The following SND1 variants were observed in gnomAD, a reference collection of about 807,000 sequenced individuals.
SND1 encodes the protein staphylococcal nuclease and tudor domain containing 1.
In SND1, 38 loss-of-function variants were observed where a neutral mutation model predicts 121.7. That is an observed-to-expected ratio of 0.31 (90% CI 0.24 to 0.41). The LOEUF (loss-of-function observed/expected upper bound fraction) is 0.41. SND1 is among the 10% of genes least tolerant of loss of function. The probability of loss-of-function intolerance (pLI) is 1.00; values close to 1 mark genes in which losing one functional copy is unlikely to be tolerated. For missense variants in SND1, 868 were observed against 1,184.6 expected (o/e 0.73, Z 3.92); for synonymous variants, 401 against 447.4 (o/e 0.90, Z 1.31).
chr7:127,666,494 G>T (rs1447324836), intron 1 of SND1, among the ~76,000 whole-genome samples: 4 of 152,038 alleles, frequency 2.6e-5, no homozygotes, highest in Admixed American at 2.0e-4. Flanking sequence ...AGTAAAGGTG[G>T]CCCCTGAGTC....
chr7:127,723,429 A>C (rs1374225754), intron 10 of SND1, among the ~76,000 whole-genome samples: 1 of 151,010 alleles, frequency 6.6e-6, no homozygotes, highest in Non-Finnish European at 1.5e-5. Context: ...CTGAGATCTT[A>C]CTCCATTTTA....
intron 12 of SND1, among the ~76,000 whole-genome samples, chr7:127,873,568 C>T (rs769345477): frequency 2.3e-4 from 35 of 152,238 alleles, no homozygotes; most frequent in Non-Finnish European, 4.4e-4. Flanking sequence ...GCCTGGGCTC[C>T]GGTGTTTCCT....
intron 11 of SND1, among the ~76,000 whole-genome samples, chr7:127,824,144 A>G (rs1457673923): frequency 6.6e-6 from 1 of 152,208 alleles, no homozygotes; most frequent in Non-Finnish European, 1.5e-5. Flanking sequence ...TCCTTTTCCC[A>G]TGGTGGTATC....
chr7:127,929,080 T>C (rs1800908146), intron 14 of SND1, 108 bp from the exon 15 acceptor site: 1 of 1,047,288 alleles, frequency 9.5e-7, no homozygotes, highest in Non-Finnish European at 1.4e-6. Context: ...TGTCTATAAA[T>C]AGGGTTATTT....
At chr7:128,017,208 G>A (rs758351418) in intron 16 of SND1, among the ~76,000 whole-genome samples, 5 of 152,144 alleles carry the variant, frequency 3.3e-5, no homozygotes, top group South Asian at 2.1e-4. Flanking sequence ...CACACAGCAC[G>A]CCAGAGCCTT....
At chr7:127,857,202 TTTTTTTTTG>T in intron 12 of SND1, among the ~76,000 whole-genome samples, 1 of 129,236 alleles carries the variant, frequency 7.7e-6, no homozygotes, top group African/African-American at 3.0e-5. Context: ...TTTTTTTTTT[TTTTTTTTTG>T]AGATGGAGTC....
At chr7:127,953,151 C>CGTGTGTGTGTGT (rs59825900) in intron 15 of SND1, among the ~76,000 whole-genome samples, 5 of 92,272 alleles carry the variant, frequency 5.4e-5, no homozygotes, top group African/African-American at 8.0e-5. Flanking sequence ...GTGACAAGAC[C>CGTGTGTGTGTGT]GTGTGTGTGT....
At chr7:128,002,654 G>A (rs937717348) in intron 16 of SND1, among the ~76,000 whole-genome samples, 6 of 152,220 alleles carry the variant, frequency 3.9e-5, no homozygotes, top group African/African-American at 9.7e-5. Flanking sequence ...TCTGCCAACA[G>A]TGAGGGCTCT....
intron 1 of SND1, among the ~76,000 whole-genome samples, chr7:127,658,711 A>G (rs3808111): frequency 0.062 from 9,516 of 152,320 alleles, 400 homozygotes; most frequent in Middle Eastern, 0.19. Context: ...GCTCATTAAC[A>G]TGAGTGGGAA....
At chr7:127,981,961 G>C (rs1802272096) in intron 15 of SND1, among the ~76,000 whole-genome samples, 1 of 152,172 alleles carries the variant, frequency 6.6e-6, no homozygotes, top group African/African-American at 2.4e-5. Context: ...ATCTGTTATT[G>C]CTAGATTTTC....
chr7:127,925,173 A>T (rs1178136506), intron 14 of SND1, among the ~76,000 whole-genome samples: 2 of 152,240 alleles, frequency 1.3e-5, no homozygotes, highest in African/African-American at 4.8e-5. Context: ...TGCAATCTTA[A>T]ATTAGCTTTT....
At chr7:127,661,452 T>A (rs1193042731) in intron 1 of SND1, among the ~76,000 whole-genome samples, 1 of 152,222 alleles carries the variant, frequency 6.6e-6, no homozygotes, top group Non-Finnish European at 1.5e-5. Context: ...CTTTCTGTTC[T>A]TGCAATCCTG....
At chr7:127,815,379 A>G (rs1252695922) in intron 11 of SND1, among the ~76,000 whole-genome samples, 2 of 152,094 alleles carry the variant, frequency 1.3e-5, no homozygotes, top group South Asian at 2.1e-4. Flanking sequence ...AGTCCCAGCT[A>G]TTTGGGTGGC....
chr7:128,000,077 T>TAAAAA (rs746493427), intron 16 of SND1: 3 of 103,182 alleles, frequency 2.9e-5, no homozygotes, highest in Non-Finnish European at 5.7e-5. Flanking sequence ...GAGTGTTCTC[T>TAAAAA]AAAAAAAAAA....
chr7:127,925,790 TC>T (rs1246370107), intron 14 of SND1, among the ~76,000 whole-genome samples: 7 of 152,038 alleles, frequency 4.6e-5, no homozygotes, highest in Non-Finnish European at 7.4e-5. Flanking sequence ...TTTTAGGGTT[TC>T]ACCATGTTGG....
In SND1 at chr7:127,725,760, C is replaced by T. The variant is rs79157580; in HGVS notation, c.1152+4360C>T. Among the ~76,000 whole-genome samples, 1,219 of 151,948 alleles carry T rather than the reference C, an allele frequency of 8.0e-3. 19 individuals carry two copies. The highest frequency in any genetic ancestry group is 0.027 in the African/African-American group (1,111 of 41,430). On this transcript the variant is annotated intron_variant, in intron 10 of 23. Transcript: ENST00000354725. ...GCCTTTTCCAAACCAAAGAACAAAG[C>T]GGGAGAGGGTGCAGAATAAGGAACT...
rs772834485 is a variant in SND1 at position 127,997,814 on chromosome 7, C to T, written c.1779+6758C>T. On this transcript the variant is annotated intron_variant, in intron 16 of 23. Coordinates refer to ENST00000354725, the MANE Select transcript of SND1 (RefSeq NM_014390.4). ...CTCCCATCTCTCAGGTAGACTTACA[C>T]TTTCGGCCCAGCACATCAGTCATCG... 5 of 534,796 alleles carry T rather than the reference C, an allele frequency of 9.3e-6. No individual in the cohort carries two copies. The East Asian group carries it at 2.2e-4, about 23-fold the overall frequency. The allele number at this position is 534,796 out of a possible 1,614,324, so 33.1% of individuals were successfully genotyped here. A position where few individuals can be genotyped will look rare whatever the true frequency, so the allele number is the denominator to read the frequency against.
In SND1 at chr7:127,824,419, T is replaced by C. The variant is rs1798606946; in HGVS notation, c.1242+16846T>C. Among the ~76,000 whole-genome samples the C allele has an allele frequency of 2.0e-5, 3 of 152,240 alleles. No individual in the cohort carries two copies. The South Asian group carries it at 6.2e-4, about 31-fold the overall frequency. On this transcript the variant is annotated intron_variant, in intron 11 of 23. Transcript: ENST00000354725. ...GAAATCTGTTTTCTCTCCTTGTTCA[T>C]TGGAGACATAACAAGTGTTCAAGGC... is the stretch of plus-strand genomic sequence containing the variant.
intron 1 of SND1, among the ~76,000 whole-genome samples, chr7:127,666,489 AGGTG>A (rs1041174366): frequency 1.6e-4 from 25 of 152,304 alleles, no homozygotes; most frequent in African/African-American, 6.0e-4. Flanking sequence ...CATACAGTAA[AGGTG>A]GCCCCTGAGT....
Sources: gnomAD v4.1 joint callset for allele counts (sites outside exome capture counted in the v4.1 genomes callset) on GRCh38, gnomAD v4.1.1 for gene constraint, MANE v1.5 for transcripts, NCBI Gene and HGNC (gene_info 2026-07-23, HGNC 2026-07-21) for gene names.